Variants in PRKG1 observed in about 807,000 individuals in gnomAD.
PRKG1 encodes the protein protein kinase cGMP-dependent 1, also known as cGMP-dependent protein kinase 1.
PRKG1 carries 35 observed loss-of-function variants against 88.1 expected under a neutral mutation model. The ratio of observed to expected loss-of-function variants is 0.40; its 90% CI spans 0.30 to 0.53. PRKG1 has a LOEUF of 0.53. PRKG1 is among the 20% of genes least tolerant of loss of function. The probability of loss-of-function intolerance (pLI) is 0.59; values close to 1 mark genes in which losing one functional copy is unlikely to be tolerated. For missense variants in PRKG1, 540 were observed against 839.8 expected, an observed-to-expected ratio of 0.64 and a Z score of 4.41; for synonymous variants, 303 against 292.5, an observed-to-expected ratio of 1.04 and a Z score of -0.37.
At chr10:52,102,353 T>C (rs563316843) in intron 7 of PRKG1, among the ~76,000 whole-genome samples, 5 of 152,142 alleles carry the variant, frequency 3.3e-5, no homozygotes, top group African/African-American at 1.2e-4. Flanking sequence ...CACAACCATA[T>C]GCTGTGGAAA....
intron 4 of PRKG1, among the ~76,000 whole-genome samples, chr10:51,823,239 G>A (rs1839794587): frequency 6.6e-6 from 1 of 151,866 alleles, no homozygotes; most frequent in Non-Finnish European, 1.5e-5. Context: ...ATAAAATGAG[G>A]GCAGATAAAC....
Position 51,980,980 on chromosome 10 carries a change from C to CA in PRKG1, c.762+73411dup, listed in dbSNP as rs564701859. On this transcript the variant is annotated intron_variant, in intron 5 of 17. Transcript: ENST00000373980. ...TTAATTAGGACATTTAGCCTGTTTA[C>CA]ATTCAAGGTTAATATTGATATGTAT... 3.3e-5 allele frequency among the ~76,000 whole-genome samples: 5 copies of CA among 152,244 alleles called. No homozygotes were observed. The East Asian group carries it at 9.7e-4, about 29-fold the overall frequency.
chr10:52,229,900 G>C (rs12265533), intron 9 of PRKG1, among the ~76,000 whole-genome samples: 2,806 of 152,244 alleles, frequency 0.018, 89 homozygotes, highest in African/African-American at 0.064. Context: ...TTAATAAAGA[G>C]TCTAGAATAG....
intron 3 of PRKG1, among the ~76,000 whole-genome samples, chr10:51,638,564 C>T (rs952760473): frequency 8.5e-5 from 13 of 152,234 alleles, no homozygotes; most frequent in African/African-American, 2.9e-4. Context: ...GATTCTTTGT[C>T]GCAAGCTGTC....
intron 3 of PRKG1, among the ~76,000 whole-genome samples, chr10:51,558,874 G>A (rs770038485): frequency 2.0e-5 from 3 of 152,038 alleles, no homozygotes; most frequent in Non-Finnish European, 4.4e-5. Flanking sequence ...GAACAGAGTG[G>A]AATGAATACA....
intron 2 of PRKG1, among the ~76,000 whole-genome samples, chr10:51,272,735 C>T (rs544585669): frequency 2.0e-5 from 3 of 152,258 alleles, no homozygotes; most frequent in African/African-American, 7.2e-5. Context: ...AAGGATGCAG[C>T]CCAGCCTCTG....
intron 1 of PRKG1, among the ~76,000 whole-genome samples, chr10:51,145,862 G>C (rs879565851): frequency 6.6e-6 from 1 of 152,128 alleles, no homozygotes; most frequent in East Asian, 1.9e-4. Context: ...TTTAGTTTTA[G>C]AGAAAACTCC....
intron 3 of PRKG1, among the ~76,000 whole-genome samples, chr10:51,483,973 C>A (rs567841373): frequency 6.6e-6 from 1 of 152,154 alleles, no homozygotes; most frequent in South Asian, 2.1e-4. Context: ...TTTTTTCTGA[C>A]ACGTGAAAGT....
At chr10:52,285,568 G>A (rs1429738654) in intron 14 of PRKG1, among the ~76,000 whole-genome samples, 2 of 152,148 alleles carry the variant, frequency 1.3e-5, no homozygotes, top group Middle Eastern at 3.4e-3. Context: ...ATTTTAATCA[G>A]TTTGAGCTGA....
At chr10:51,930,255 G>A (rs1842661167) in intron 5 of PRKG1, among the ~76,000 whole-genome samples, 1 of 152,112 alleles carries the variant, frequency 6.6e-6, no homozygotes, top group Admixed American at 6.6e-5. Context: ...AGGAGTTACT[G>A]TTTAATCAAT....
intron 7 of PRKG1, among the ~76,000 whole-genome samples, chr10:52,123,496 T>G (rs1847866843): frequency 6.6e-6 from 1 of 152,180 alleles, no homozygotes; most frequent in South Asian, 2.1e-4. Context: ...CTCAAGTCTA[T>G]GTTTATCATA....
intron 5 of PRKG1, among the ~76,000 whole-genome samples, chr10:52,012,854 G>A (rs1259353111): frequency 1.3e-5 from 2 of 152,184 alleles, no homozygotes; most frequent in African/African-American, 2.4e-5. Flanking sequence ...AGAATACCAT[G>A]TGTGAGATGT....
At chr10:51,966,594 T>C (rs928131508) in intron 5 of PRKG1, among the ~76,000 whole-genome samples, 1 of 152,218 alleles carries the variant, frequency 6.6e-6, no homozygotes, top group African/African-American at 2.4e-5. Context: ...GAGGAAGGGC[T>C]GACTTTGCTT....
chr10:51,605,019 A>G (rs761206994), intron 3 of PRKG1, among the ~76,000 whole-genome samples: 4 of 152,178 alleles, frequency 2.6e-5, no homozygotes, highest in Non-Finnish European at 5.9e-5. Context: ...GGTGGCTCTC[A>G]GTGAGATGGA....
At chr10:51,056,087 C>T (rs1843622922) in intron 1 of PRKG1, among the ~76,000 whole-genome samples, 1 of 152,156 alleles carries the variant, frequency 6.6e-6, no homozygotes, top group Non-Finnish European at 1.5e-5. Flanking sequence ...ATATCTGGAG[C>T]CTTGGGCTCT....
chr10:51,494,226 T>C (rs1840789272), intron 3 of PRKG1, among the ~76,000 whole-genome samples: 2 of 152,160 alleles, frequency 1.3e-5, no homozygotes, highest in African/African-American at 2.4e-5. Flanking sequence ...CTCAGCTCTA[T>C]AGCTTTGATT....
chr10:51,996,374 A>G (rs1844444491), intron 5 of PRKG1, among the ~76,000 whole-genome samples: 1 of 151,000 alleles, frequency 6.6e-6, no homozygotes. Context: ...AATATCTGCA[A>G]TCCACATATC....
chr10:51,007,455 C>T (rs187072073), intron 1 of PRKG1, among the ~76,000 whole-genome samples: 39 of 152,270 alleles, frequency 2.6e-4, no homozygotes, highest in African/African-American at 7.9e-4. Context: ...ACAGGGATTA[C>T]ATTGTAAGAT....
At chr10:52,160,429 C>A (rs946823208) in intron 8 of PRKG1, among the ~76,000 whole-genome samples, 3 of 151,888 alleles carry the variant, frequency 2.0e-5, no homozygotes, top group East Asian at 1.9e-4. Flanking sequence ...GCTTTATATT[C>A]TTGAATATGA....
Sources: allele counts gnomAD v4.1 joint callset (sites outside exome capture counted in the v4.1 genomes callset), GRCh38; gene constraint gnomAD v4.1.1; transcripts MANE v1.5; gene names NCBI Gene and HGNC (gene_info 2026-07-23, HGNC 2026-07-21).